RAB27B: variants seen among roughly 807,000 people sequenced by gnomAD.
RAB27B encodes ras-related protein Rab-27B.
Under a neutral mutation model 24.6 loss-of-function variants are expected in RAB27B, and 15 were observed. That is an observed-to-expected ratio of 0.61 (90% CI 0.41 to 0.94). RAB27B has a LOEUF of 0.94. Ranked by LOEUF, RAB27B falls within the 40% of genes least tolerant of loss-of-function variation. The pLI is 0.00. For missense variants in RAB27B, 261 were observed against 266.8 expected (o/e 0.98, Z 0.15); for synonymous variants, 105 against 92.5 (o/e 1.14, Z -0.78).
chr18:54,731,473 C>A (rs560387823), intron 2 of RAB27B, among the ~76,000 whole-genome samples: 14 of 152,208 alleles, frequency 9.2e-5, no homozygotes, highest in Non-Finnish European at 1.8e-4. Flanking sequence ...GTAATCCCAG[C>A]ACTTTGGGAG....
At chr18:54,868,569 C>T (rs1784181239) in intron 1 of RAB27B, among the ~76,000 whole-genome samples, 1 of 151,864 alleles carries the variant, frequency 6.6e-6, no homozygotes, top group South Asian at 2.1e-4. Flanking sequence ...ATTTATGTTT[C>T]CAAAAAGGAT....
At chr18:54,785,436 G>GTTTTTTTTTTTT in intron 2 of RAB27B, among the ~76,000 whole-genome samples, 1 of 101,698 alleles carries the variant, frequency 9.8e-6, no homozygotes, top group Non-Finnish European at 1.8e-5. Context: ...CCTTCCTCAG[G>GTTTTTTTTTTTT]TTTTTTTTTT....
At chr18:54,766,387 G>C (rs940059950) in intron 2 of RAB27B, among the ~76,000 whole-genome samples, 11 of 152,128 alleles carry the variant, frequency 7.2e-5, no homozygotes, top group Non-Finnish European at 1.6e-4. Flanking sequence ...TTAGGATTTG[G>C]GAGACCTGGG....
At chr18:54,797,730 A>C (rs1318132355) in intron 2 of RAB27B, among the ~76,000 whole-genome samples, 1 of 152,186 alleles carries the variant, frequency 6.6e-6, no homozygotes, top group Non-Finnish European at 1.5e-5. Flanking sequence ...TTGGCTGCCC[A>C]ATAGACTCGT....
intron 2 of RAB27B, among the ~76,000 whole-genome samples, chr18:54,806,670 T>C (rs1353594082): frequency 6.6e-6 from 1 of 151,342 alleles, no homozygotes; most frequent in Non-Finnish European, 1.5e-5. Context: ...AGATTGGCTT[T>C]CAGGATGTTA....
rs147683634 is a variant in RAB27B at position 54,751,580 on chromosome 18, A to G, written c.-20+33439A>G. On this transcript the variant is annotated intron_variant, in intron 2 of 4. Transcript: ENST00000586570. The stretch of plus-strand genomic sequence containing the variant: ...TTGAGTTTTATTTTGGACACAATGA[A>G]TTTAGGAAGTCATTGGAATGTAGCA... Among the ~76,000 whole-genome samples the G allele has an allele frequency of 2.7e-3, 410 of 152,268 alleles. 2 individuals carry two copies. Among genetic ancestry groups the G allele is most frequent in the African/African-American group, 9.3e-3 (385 of 41,554 alleles).
intron 1 of RAB27B, among the ~76,000 whole-genome samples, chr18:54,859,440 C>G (rs576910547): frequency 6.6e-6 from 1 of 151,632 alleles, no homozygotes; most frequent in African/African-American, 2.4e-5. Context: ...AAACCATCCA[C>G]TTTCAAATAT....
At chr18:54,755,036 A>G (rs1907957914) in intron 2 of RAB27B, among the ~76,000 whole-genome samples, 1 of 152,326 alleles carries the variant, frequency 6.6e-6, no homozygotes. Flanking sequence ...GCACATTTTC[A>G]GAACACAGCA....
intron 1 of RAB27B, among the ~76,000 whole-genome samples, chr18:54,875,416 G>A (rs1433305773): frequency 6.6e-6 from 1 of 152,090 alleles, no homozygotes; most frequent in Non-Finnish European, 1.5e-5. Flanking sequence ...TGTCTGTATT[G>A]GAATAATTGA....
chr18:54,860,530 T>A (rs1911971080), intron 1 of RAB27B, among the ~76,000 whole-genome samples: 1 of 152,182 alleles, frequency 6.6e-6, no homozygotes, highest in Admixed American at 6.5e-5. Context: ...TGATTATTTC[T>A]GCCCACCCCA....
At chr18:54,822,577 CCACA>C (rs934202101) in intron 2 of RAB27B, among the ~76,000 whole-genome samples, 16 of 152,116 alleles carry the variant, frequency 1.1e-4, no homozygotes, top group Non-Finnish European at 2.2e-4. Context: ...ATACTTATGT[CCACA>C]CATACAATTA....
intron 2 of RAB27B, among the ~76,000 whole-genome samples, chr18:54,718,312 A>G (rs755183347): frequency 1.3e-5 from 2 of 152,000 alleles, no homozygotes; most frequent in African/African-American, 4.8e-5. Context: ...CTGAAACTCT[A>G]CTTTGGAGTG....
intron 2 of RAB27B, among the ~76,000 whole-genome samples, chr18:54,773,558 C>G (rs1401391965): frequency 6.6e-6 from 1 of 152,204 alleles, no homozygotes; most frequent in Non-Finnish European, 1.5e-5. Flanking sequence ...GCACATAACT[C>G]TGCGAGGCAC....
intron 1 of RAB27B, among the ~76,000 whole-genome samples, chr18:54,848,000 A>G (rs1478083180): frequency 6.6e-6 from 1 of 152,234 alleles, no homozygotes; most frequent in Non-Finnish European, 1.5e-5. Flanking sequence ...CAGCAAAAGG[A>G]AAGTGATGTT....
chr18:54,788,835 G>A (rs1213956988), intron 2 of RAB27B, among the ~76,000 whole-genome samples: 1 of 151,680 alleles, frequency 6.6e-6, no homozygotes, highest in Admixed American at 6.6e-5. Flanking sequence ...GTCTGTCAGG[G>A]AATAAAACAT....
chr18:54,848,886 ATTCTTTCATTTTG>A (rs1911444693), intron 1 of RAB27B, among the ~76,000 whole-genome samples: 1 of 152,218 alleles, frequency 6.6e-6, no homozygotes, highest in Non-Finnish European at 1.5e-5. Context: ...TGTTATACAT[ATTCTTTCATTTTG>A]TTCTTTCAAA....
chr18:54,758,981 A>G (rs929549008), intron 2 of RAB27B, among the ~76,000 whole-genome samples: 16 of 152,188 alleles, frequency 1.1e-4, no homozygotes, highest in Non-Finnish European at 2.1e-4. Flanking sequence ...ACTCAACCCC[A>G]ATTTCTATTA....
intron 1 of RAB27B, among the ~76,000 whole-genome samples, chr18:54,831,570 G>C (rs1833281): frequency 0.23 from 34,813 of 152,122 alleles, 4,228 homozygotes; most frequent in East Asian, 0.39. Flanking sequence ...GATAACAGAT[G>C]TTAGTGAGAT....
intron 2 of RAB27B, among the ~76,000 whole-genome samples, chr18:54,795,962 T>C (rs1006837839): frequency 6.6e-6 from 1 of 152,198 alleles, no homozygotes; most frequent in Non-Finnish European, 1.5e-5. Flanking sequence ...TTGAAACATG[T>C]ATACACCCGT....
Sources: allele counts gnomAD v4.1 joint callset (sites outside exome capture counted in the v4.1 genomes callset), GRCh38; gene constraint gnomAD v4.1.1; transcripts MANE v1.5; gene names NCBI Gene and HGNC (gene_info 2026-07-23, HGNC 2026-07-21).